The following PCSK5 variants were observed in gnomAD, a reference collection of about 807,000 sequenced individuals.
PCSK5 encodes prohormone convertase 5.
PCSK5 carries 129 observed loss-of-function variants against 233.2 expected under a neutral mutation model. The ratio of observed to expected loss-of-function variants is 0.55; its 90% CI spans 0.48 to 0.64. PCSK5 has a LOEUF of 0.64. PCSK5 is among the 30% of genes least tolerant of loss of function. The probability of loss-of-function intolerance (pLI) is 0.00; values close to 1 mark genes in which losing one functional copy is unlikely to be tolerated. For synonymous variants in PCSK5, 825 were observed against 879.2 expected, an observed-to-expected ratio of 0.94 and a Z score of 1.09; for missense variants, 2,076 against 2,430.1, an observed-to-expected ratio of 0.85 and a Z score of 3.06.
At chr9:76,270,671 G>T (rs1185613948) in intron 24 of PCSK5, among the ~76,000 whole-genome samples, 1 of 152,220 alleles carries the variant, frequency 6.6e-6, no homozygotes, top group African/African-American at 2.4e-5. Flanking sequence ...AAGGCCTGCA[G>T]CCTGGAGAGA....
chr9:76,217,826 G>C (rs946983676), intron 20 of PCSK5, among the ~76,000 whole-genome samples: 17 of 152,152 alleles, frequency 1.1e-4, no homozygotes, highest in Non-Finnish European at 2.2e-4. Context: ...GGGGAAGGAC[G>C]TTAGTAGGCA....
intron 34 of PCSK5, among the ~76,000 whole-genome samples, chr9:76,335,079 A>AAAAC (rs368202485): frequency 2.6e-5 from 4 of 152,190 alleles, no homozygotes; most frequent in East Asian, 3.9e-4. Flanking sequence ...CCCTGTCTTA[A>AAAAC]AAACAAACAA....
chr9:76,275,991 G>C (rs1235268860), intron 24 of PCSK5, among the ~76,000 whole-genome samples: 1 of 152,212 alleles, frequency 6.6e-6, no homozygotes, highest in Non-Finnish European at 1.5e-5. Flanking sequence ...TCAATTAAGT[G>C]TTTATTACTT....
chr9:76,198,205 T>C (rs1824773199), intron 20 of PCSK5, among the ~76,000 whole-genome samples: 1 of 152,200 alleles, frequency 6.6e-6, no homozygotes, highest in African/African-American at 2.4e-5. Flanking sequence ...AGGACTTTCT[T>C]ACAAGGTCTC....
chr9:75,952,871 GA>G (rs1824929471), intron 2 of PCSK5, among the ~76,000 whole-genome samples: 1 of 152,172 alleles, frequency 6.6e-6, no homozygotes. Context: ...ACCAGTTGAA[GA>G]ACAGTGGGGA....
At chr9:76,248,469 A>G (rs1237262273) in intron 24 of PCSK5, among the ~76,000 whole-genome samples, 2 of 152,184 alleles carry the variant, frequency 1.3e-5, no homozygotes, top group African/African-American at 4.8e-5. Context: ...TTTTACAGAA[A>G]CAGTTCAGCT....
At chr9:76,098,790 T>C (rs1226287786) in intron 8 of PCSK5, among the ~76,000 whole-genome samples, 2 of 152,202 alleles carry the variant, frequency 1.3e-5, no homozygotes, top group South Asian at 2.1e-4. Flanking sequence ...GAACACAGTA[T>C]GTACAGAGGG....
At chr9:76,324,594 C>T (rs753256689) in intron 32 of PCSK5, among the ~76,000 whole-genome samples, 2 of 152,118 alleles carry the variant, frequency 1.3e-5, no homozygotes, top group Non-Finnish European at 2.9e-5. Context: ...AATTCCTGCT[C>T]CAAGGTCCCC....
Position 76,107,303 on chromosome 9 carries a change from C to T in PCSK5, c.1160C>T (p.Ala387Val). The T allele has an allele frequency of 6.2e-7, 1 of 1,613,888 alleles. No individual in the cohort carries two copies. Among genetic ancestry groups the T allele is most frequent in the Non-Finnish European group, 8.5e-7 (1 of 1,179,870 alleles). ...RCTDNHTGTS[A>V]SAPMAAGIIA... ...ACGGACAACCACACTGGGACGTCAG[C>T]CTCAGCCCCCATGGCTGCAGGCATC... Residue 387 changes from alanine to valine, a missense_variant, in exon 9 of 38, where the codon GCC (alanine) becomes GTC (valine). Ala to Val is a moderately conservative substitution (Grantham distance 64). Around this residue, in one of 6 missense-constraint regions of PCSK5, gnomAD observed 178 missense variants for 393.6 expected, o/e 0.45. Coordinates refer to ENST00000674117, the MANE Select transcript of PCSK5 (RefSeq NM_001372043.1).
intron 12 of PCSK5, among the ~76,000 whole-genome samples, chr9:76,164,940 CAA>C (rs35432278): frequency 7.1e-6 from 1 of 141,516 alleles, no homozygotes; most frequent in Admixed American, 7.0e-5. Context: ...GGTTTTTTAC[CAA>C]AAAAAAAAAA....
At chr9:76,263,970 T>C (rs1022567493) in intron 24 of PCSK5, among the ~76,000 whole-genome samples, 3 of 152,066 alleles carry the variant, frequency 2.0e-5, no homozygotes, top group Admixed American at 6.6e-5. Flanking sequence ...AAAACTTATA[T>C]GGAACCAAAA....
Position 76,239,098 on chromosome 9 carries a change from A to G in PCSK5, c.3006A>G (p.Thr1002=), listed in dbSNP as rs1339799017. The G allele has an allele frequency of 6.2e-7, 1 of 1,606,906 alleles. No individual in the cohort carries two copies. The highest frequency in any genetic ancestry group is 2.2e-5 in the East Asian group (1 of 44,594). Residue 1002 remains threonine (T), a synonymous_variant, in exon 23 of 38, where the codon ACA becomes ACG. Transcript: ENST00000674117. ...CELCHSVHVC[T]RCMKGYFIAP... is the part of the protein sequence containing the mutation. ...TTTGCCACAGCGTGCATGTCTGCAC[A>G]AGATGCATGAAGGGCTACTTCATAG...
intron 20 of PCSK5, among the ~76,000 whole-genome samples, chr9:76,197,800 T>C (rs1393874853): frequency 6.6e-6 from 1 of 152,218 alleles, no homozygotes; most frequent in African/African-American, 2.4e-5. Flanking sequence ...GCCCAATATG[T>C]GTAGAAGACG....
At chr9:76,307,666 C>A (rs1237607256) in intron 28 of PCSK5, among the ~76,000 whole-genome samples, 1 of 151,912 alleles carries the variant, frequency 6.6e-6, no homozygotes, top group African/African-American at 2.4e-5. Flanking sequence ...ATAGCCCGAC[C>A]AACAAGAAAG....
intron 2 of PCSK5, among the ~76,000 whole-genome samples, chr9:75,971,047 T>A (rs1452446152): frequency 6.6e-6 from 1 of 152,130 alleles, no homozygotes; most frequent in Non-Finnish European, 1.5e-5. Flanking sequence ...AAGCCCCACA[T>A]GCATTAGCTA....
intron 10 of PCSK5, among the ~76,000 whole-genome samples, chr9:76,154,887 T>C (rs1048254022): frequency 6.6e-6 from 1 of 152,186 alleles, no homozygotes; most frequent in Non-Finnish European, 1.5e-5. Context: ...TTCTTCTGTA[T>C]CATGTGAGTA....
chr9:76,060,653 C>A (rs1829995529), intron 5 of PCSK5, among the ~76,000 whole-genome samples: 1 of 152,100 alleles, frequency 6.6e-6, no homozygotes, highest in Non-Finnish European at 1.5e-5. Context: ...TCACTGTAAT[C>A]ATAAGAAGCT....
At chr9:75,952,207 T>C (rs1824892844) in intron 2 of PCSK5, among the ~76,000 whole-genome samples, 1 of 152,222 alleles carries the variant, frequency 6.6e-6, no homozygotes, top group African/African-American at 2.4e-5. Flanking sequence ...TTAACTATAA[T>C]TCAATATTTG....
intron 3 of PCSK5, among the ~76,000 whole-genome samples, chr9:76,000,283 A>C (rs1258099): frequency 0.28 from 42,546 of 152,008 alleles, 6,734 homozygotes; most frequent in East Asian, 0.65. Flanking sequence ...TATTATCAAT[A>C]AATTGGTAGG....
Sources: allele counts gnomAD v4.1 joint callset (sites outside exome capture counted in the v4.1 genomes callset), GRCh38; gene constraint gnomAD v4.1.1; regional missense constraint gnomAD v4.1.1; transcripts MANE v1.5; gene names NCBI Gene and HGNC (gene_info 2026-07-23, HGNC 2026-07-21).